Variants in DOCK9 observed in about 807,000 individuals in gnomAD.
DOCK9 encodes dedicator of cytokinesis 9.
In DOCK9, 89 loss-of-function variants were observed where a neutral mutation model predicts 263.3. The observed-to-expected ratio is 0.34, with a 90% CI of 0.28 to 0.40. The LOEUF (loss-of-function observed/expected upper bound fraction) is 0.40. Among genes scored for constraint, DOCK9 ranks in the 10% least tolerant of loss-of-function variants. The pLI is 1.00. For synonymous variants in DOCK9, 976 were observed against 973.1 expected (o/e 1.00, Z -0.06); for missense variants, 2,140 against 2,603.4 (o/e 0.82, Z 3.87).
chr13:98,958,180 G>A (rs1291400167), intron 1 of DOCK9, among the ~76,000 whole-genome samples: 1 of 152,212 alleles, frequency 6.6e-6, no homozygotes, highest in Non-Finnish European at 1.5e-5. Context: ...GAGGCTTTCT[G>A]GGAGAGACAA....
At chr13:98,984,518 T>TA (rs1033224294) in intron 1 of DOCK9, among the ~76,000 whole-genome samples, 13 of 152,080 alleles carry the variant, frequency 8.5e-5, no homozygotes, top group South Asian at 4.2e-4. Context: ...CACACAAGAC[T>TA]AAAAAAAATA....
Position 98,853,394 on chromosome 13 carries a change from A to G in DOCK9, c.3946+14T>C. 6.4e-7 allele frequency: 1 copy of G among 1,564,204 alleles called. No individual in the cohort carries two copies. The highest frequency in any genetic ancestry group is 8.7e-7 in the Non-Finnish European group (1 of 1,145,696). On this transcript the variant is annotated intron_variant, in intron 35 of 52. Coordinates refer to ENST00000682017, the MANE Select transcript of DOCK9 (RefSeq NM_001366683.2). ...TGAAACGAGCAAAACAGAAATCTCC[A>G]TTTTTTAACCTACCATCAGACATGC...
rs199979673 is a variant in DOCK9 at position 98,831,674 on chromosome 13, G to A, written c.4427C>T (p.Thr1476Ile). 1.8e-4 allele frequency: 295 copies of A among 1,613,656 alleles called. 1 individual carries two copies. Among genetic ancestry groups the A allele is most frequent in the Non-Finnish European group, 2.3e-4 (270 of 1,179,770 alleles). ...QSETALKNVF[T>I]ALRSLIYKFP... is the part of the protein sequence containing the mutation. ...CTTATAAATTAAGGACCTTAAGGCA[G>A]TGAAGACATTTTTTAAAGCCGTTTC... The change falls in exon 40 of 53, where the codon ACT becomes ATT. Residue 1476 changes from threonine (T) to isoleucine (I), a missense_variant. Around this residue, in one of 2 missense-constraint regions of DOCK9, gnomAD observed 619 missense variants for 861.8 expected, o/e 0.72. Transcript: ENST00000682017.
At chr13:99,087,670 C>G (rs1457989010), upstream of DOCK9, 3 of 152,388 alleles carry the variant, frequency 2.0e-5, no homozygotes, top group South Asian at 4.1e-4. Flanking sequence ...CTCACAGGGC[C>G]GCGGAGAGGG....
At chr13:98,797,076 C>A (rs1321930701) in intron 52 of DOCK9, 39 bp downstream of exon 52, 7 of 1,613,058 alleles carry the variant, frequency 4.3e-6, no homozygotes, top group Admixed American at 1.7e-5. Flanking sequence ...AAACCCCTAA[C>A]CAAGAACTCC....
intron 1 of DOCK9, among the ~76,000 whole-genome samples, chr13:98,996,611 C>A (rs907167673): frequency 6.6e-6 from 1 of 152,232 alleles, no homozygotes; most frequent in Non-Finnish European, 1.5e-5. Context: ...ATATGTGGCC[C>A]AGGATGGCTT....
intron 1 of DOCK9, among the ~76,000 whole-genome samples, chr13:99,045,470 TAG>T (rs982144281): frequency 6.6e-6 from 1 of 151,728 alleles, no homozygotes; most frequent in African/African-American, 2.4e-5. Flanking sequence ...CTTACAGAAG[TAG>T]AGAGTAGAAT....
At chr13:98,852,800 C>T (rs1338866361) in intron 35 of DOCK9, among the ~76,000 whole-genome samples, 1 of 152,202 alleles carries the variant, frequency 6.6e-6, no homozygotes, top group Admixed American at 6.5e-5. Context: ...ATTTGCAAGC[C>T]TTATACGGTC....
At chr13:99,066,736 C>T (rs1451124863) in intron 1 of DOCK9, among the ~76,000 whole-genome samples, 1 of 152,044 alleles carries the variant, frequency 6.6e-6, no homozygotes, top group Admixed American at 6.5e-5. Flanking sequence ...CTACAAAATG[C>T]TAATTTTAGG....
intron 27 of DOCK9, among the ~76,000 whole-genome samples, chr13:98,873,362 A>C (rs1408792282): frequency 6.6e-6 from 1 of 152,214 alleles, no homozygotes; most frequent in Non-Finnish European, 1.5e-5. Context: ...TCACCTGCCA[A>C]CTGGAAATGT....
Position 98,897,499 on chromosome 13 carries a change from T to C in DOCK9, c.1698A>G (p.Ala566=). ...LSNDDMLKLL[A]DFRKPEKMAK... is the part of the protein sequence containing the mutation. ...ACCTTGAAACTCACTTCCGAAAGTC[T>C]GCAAGTAACTTGAGCATGTCATCAT... Residue 566 remains alanine, a synonymous_variant, in exon 15 of 53, where the codon GCA becomes GCG. Transcript: ENST00000682017. 1.9e-6 allele frequency: 3 copies of C among 1,613,792 alleles called. No homozygotes were observed. Among genetic ancestry groups the C allele is most frequent in the Non-Finnish European group, 8.5e-7 (1 of 1,179,802 alleles).
At chr13:99,063,885 T>G (rs1309304105) in intron 1 of DOCK9, among the ~76,000 whole-genome samples, 1 of 152,176 alleles carries the variant, frequency 6.6e-6, no homozygotes, top group Non-Finnish European at 1.5e-5. Flanking sequence ...TATAAACAGT[T>G]GACACACCAA....
chr13:99,005,122 GC>G (rs1443498737), intron 1 of DOCK9, among the ~76,000 whole-genome samples: 1 of 151,684 alleles, frequency 6.6e-6, no homozygotes, highest in Non-Finnish European at 1.5e-5. Context: ...GGATGCAGCT[GC>G]CACGCTGGAA....
chr13:98,894,277 G>A (rs1161111707), intron 15 of DOCK9, among the ~76,000 whole-genome samples: 1 of 152,098 alleles, frequency 6.6e-6, no homozygotes, highest in Non-Finnish European at 1.5e-5. Flanking sequence ...GAATATAAAA[G>A]TGTTAGTTTT....
At chr13:98,893,606 G>C (rs2046952853) in intron 15 of DOCK9, among the ~76,000 whole-genome samples, 1 of 152,188 alleles carries the variant, frequency 6.6e-6, no homozygotes, top group Non-Finnish European at 1.5e-5. Context: ...TTAAGACTGA[G>C]ACAGCGTGAA....
chr13:98,949,770 A>T (rs2057184381), intron 2 of DOCK9: 1 of 429,136 alleles, frequency 2.3e-6, no homozygotes, highest in African/African-American at 2.0e-5. Context: ...AGGTGAGGCC[A>T]TCTCCTTGAG....
chr13:98,853,655 G>A, intron 34 of DOCK9, 133 bp from the exon 35 acceptor site: 1 of 693,280 alleles, frequency 1.4e-6, no homozygotes, highest in Non-Finnish European at 2.5e-6. Flanking sequence ...GTAACTTGCT[G>A]ACAATTAAAC....
At chr13:98,899,398 G>A (rs2047929266) in intron 13 of DOCK9, among the ~76,000 whole-genome samples, 1 of 152,172 alleles carries the variant, frequency 6.6e-6, no homozygotes, top group Non-Finnish European at 1.5e-5. Flanking sequence ...ATGGGGGCTA[G>A]GCTATACTTT....
intron 48 of DOCK9, among the ~76,000 whole-genome samples, chr13:98,805,440 CTTTT>C (rs796165009): frequency 6.7e-6 from 1 of 150,252 alleles, no homozygotes; most frequent in African/African-American, 2.4e-5. Context: ...GACATACAGA[CTTTT>C]TTTTTTCCAG....
Sources: gnomAD v4.1 joint callset for allele counts (sites outside exome capture counted in the v4.1 genomes callset) on GRCh38, gnomAD v4.1.1 for gene constraint, gnomAD v4.1.1 regional missense constraint, MANE v1.5 for transcripts, NCBI Gene and HGNC (gene_info 2026-07-23, HGNC 2026-07-21) for gene names.